TSPAN18: variants seen among roughly 807,000 people sequenced by gnomAD.
TSPAN18 encodes tetraspanin-18.
In TSPAN18, 14 loss-of-function variants were observed where a neutral mutation model predicts 27.3. The ratio of observed to expected loss-of-function variants is 0.51; its 90% CI spans 0.34 to 0.80. The LOEUF is 0.80. Ranked by LOEUF, TSPAN18 falls within the 30% of genes least tolerant of loss-of-function variation. The probability of loss-of-function intolerance (pLI) is 0.01; values close to 1 mark genes in which losing one functional copy is unlikely to be tolerated. For synonymous variants in TSPAN18, 143 were observed against 136.5 expected (o/e 1.05, Z -0.33); for missense variants, 268 against 323.9 (o/e 0.83, Z 1.32).
chr11:44,770,137 T>G (rs1323590159), intron 2 of TSPAN18, among the ~76,000 whole-genome samples: 1 of 152,218 alleles, frequency 6.6e-6, no homozygotes, highest in Non-Finnish European at 1.5e-5. Flanking sequence ...AATATCGTTT[T>G]GAATGAAATA....
chr11:44,884,490 A>G (rs1341839697), intron 3 of TSPAN18, among the ~76,000 whole-genome samples: 1 of 152,176 alleles, frequency 6.6e-6, no homozygotes, highest in Non-Finnish European at 1.5e-5. Context: ...GACTTCCTCC[A>G]GTTCCTTTAG....
At chr11:44,903,552 G>C (rs564731715) in intron 3 of TSPAN18, 10 of 456,468 alleles carry the variant, frequency 2.2e-5, no homozygotes, top group Middle Eastern at 3.3e-4. Context: ...GGAAGCACTG[G>C]ATTGAAGGGG....
intron 1 of TSPAN18, among the ~76,000 whole-genome samples, chr11:44,754,509 C>A (rs993754157): frequency 9.8e-5 from 15 of 152,368 alleles, no homozygotes; most frequent in African/African-American, 3.4e-4. Flanking sequence ...AGTCTCTGTT[C>A]TTCTTGAACC....
intron 1 of TSPAN18, among the ~76,000 whole-genome samples, chr11:44,747,769 A>G (rs1476920861): frequency 1.3e-5 from 2 of 151,938 alleles, no homozygotes. Context: ...CGCTACCTTC[A>G]CACTTGCTCA....
intron 1 of TSPAN18, among the ~76,000 whole-genome samples, chr11:44,739,156 T>C (rs1332769067): frequency 6.6e-6 from 1 of 152,168 alleles, no homozygotes; most frequent in Non-Finnish European, 1.5e-5. Context: ...CCAAAACTAC[T>C]AGGGGATGGG....
chr11:44,749,347 T>G (rs897006013), intron 1 of TSPAN18, among the ~76,000 whole-genome samples: 2 of 152,242 alleles, frequency 1.3e-5, no homozygotes, highest in Non-Finnish European at 2.9e-5. Context: ...ACAATGTGAG[T>G]GCTTCCATAT....
chr11:44,776,927 T>C (rs1206043322), intron 2 of TSPAN18, among the ~76,000 whole-genome samples: 1 of 152,200 alleles, frequency 6.6e-6, no homozygotes, highest in Admixed American at 6.5e-5. Context: ...TCCCTTTTGG[T>C]GCCCCAGGAG....
At chr11:44,888,392 G>A (rs1858731103) in intron 3 of TSPAN18, among the ~76,000 whole-genome samples, 1 of 152,202 alleles carries the variant, frequency 6.6e-6, no homozygotes, top group South Asian at 2.1e-4. Flanking sequence ...TGGCACACGT[G>A]AAGCAGGAGC....
At chr11:44,927,574 C>T (rs1860411977) in intron 9 of TSPAN18, among the ~76,000 whole-genome samples, 1 of 152,204 alleles carries the variant, frequency 6.6e-6, no homozygotes, top group Admixed American at 6.5e-5. Flanking sequence ...GTGGAGGCTA[C>T]TGCAGATGGC....
At chr11:44,763,818 T>C (rs1464003320) in intron 1 of TSPAN18, among the ~76,000 whole-genome samples, 4 of 152,124 alleles carry the variant, frequency 2.6e-5, no homozygotes, top group Admixed American at 1.3e-4. Flanking sequence ...GGAAGCTTTG[T>C]GGGGCTGGTG....
At chr11:44,927,308 C>T (rs186085721) in intron 9 of TSPAN18, among the ~76,000 whole-genome samples, 9 of 152,314 alleles carry the variant, frequency 5.9e-5, no homozygotes, top group Admixed American at 4.6e-4. Flanking sequence ...GGCCGCCTCC[C>T]GTTTCTGTCC....
intron 1 of TSPAN18, among the ~76,000 whole-genome samples, chr11:44,753,528 G>T (rs957450991): frequency 6.6e-6 from 1 of 152,126 alleles, no homozygotes. Flanking sequence ...GGGGTCCCAG[G>T]GTAGCTGGAC....
At chr11:44,925,278 G>A (rs970328028) in intron 8 of TSPAN18, among the ~76,000 whole-genome samples, 5 of 152,226 alleles carry the variant, frequency 3.3e-5, no homozygotes, top group African/African-American at 1.2e-4. Context: ...CCAGTGTTGT[G>A]GGGCGAGGTC....
intron 1 of TSPAN18, among the ~76,000 whole-genome samples, chr11:44,731,656 A>AG (rs1854664365): frequency 1.6e-5 from 1 of 62,482 alleles, no homozygotes; most frequent in East Asian, 3.8e-4. Flanking sequence ...GAGAGAGAGA[A>AG]AATCTGTCTT....
At chr11:44,785,337 C>T (rs1254237498) in intron 2 of TSPAN18, among the ~76,000 whole-genome samples, 4 of 152,112 alleles carry the variant, frequency 2.6e-5, no homozygotes. Flanking sequence ...ACATCCGTTA[C>T]TTTAATGTTT....
At chr11:44,784,570 A>G (rs1217076267) in intron 2 of TSPAN18, among the ~76,000 whole-genome samples, 1 of 152,202 alleles carries the variant, frequency 6.6e-6, no homozygotes, top group African/African-American at 2.4e-5. Context: ...ATCACAGTGT[A>G]ATGCAATACT....
At chr11:44,823,829 C>T (rs967201715) in intron 2 of TSPAN18, among the ~76,000 whole-genome samples, 1 of 152,250 alleles carries the variant, frequency 6.6e-6, no homozygotes, top group Middle Eastern at 3.4e-3. Flanking sequence ...TCCCATCACC[C>T]TCTGAGACAA....
At chr11:44,802,423 A>G (rs909514938) in intron 2 of TSPAN18, among the ~76,000 whole-genome samples, 1 of 152,052 alleles carries the variant, frequency 6.6e-6, no homozygotes, top group African/African-American at 2.4e-5. Flanking sequence ...AGAAGCCTTC[A>G]GAGAGTTTTA....
At chr11:44,869,609 G>A (rs1319206885) in intron 3 of TSPAN18, among the ~76,000 whole-genome samples, 1 of 152,158 alleles carries the variant, frequency 6.6e-6, no homozygotes, top group Admixed American at 6.5e-5. Flanking sequence ...GATGTGATTG[G>A]TGCTGCCCCC....
Sources: allele counts gnomAD v4.1 joint callset (sites outside exome capture counted in the v4.1 genomes callset), GRCh38; gene constraint gnomAD v4.1.1; transcripts MANE v1.5; gene names NCBI Gene and HGNC (gene_info 2026-07-23, HGNC 2026-07-21).